DMBT1: variants seen among roughly 807,000 people sequenced by gnomAD.
DMBT1 encodes the protein deleted in malignant brain tumors 1.
DMBT1 carries 198 observed loss-of-function variants against 252.9 expected under a neutral mutation model. The ratio of observed to expected loss-of-function variants is 0.78; its 90% confidence interval spans 0.70 to 0.88. The LOEUF is 0.88. DMBT1 is among the 40% of genes least tolerant of loss of function. The probability of loss-of-function intolerance (pLI) is 0.00; values close to 1 mark genes in which losing one functional copy is unlikely to be tolerated. For missense variants in DMBT1, 2,432 were observed against 2,404.7 expected (o/e 1.01, Z -0.24); for synonymous variants, 990 against 942.7 (o/e 1.05, Z -0.92).
At chr10:122,617,788 G>A (rs936806535) in intron 40 of DMBT1, among the ~76,000 whole-genome samples, 5 of 151,562 alleles carry the variant, frequency 3.3e-5, no homozygotes, top group Non-Finnish European at 7.3e-5. Context: ...CACTTCCAGT[G>A]GGGTCACAGG....
intron 2 of DMBT1, among the ~76,000 whole-genome samples, chr10:122,566,722 AT>A (rs78946935): frequency 3.4e-5 from 5 of 148,610 alleles, no homozygotes; most frequent in Non-Finnish European, 6.0e-5. Context: ...GAATTGATAT[AT>A]TTTTAAAAAA....
intron 27 of DMBT1, among the ~76,000 whole-genome samples, chr10:122,600,433 A>G (rs575749182): frequency 1.6e-4 from 25 of 152,246 alleles, no homozygotes; most frequent in East Asian, 5.8e-4. Context: ...GAAAATTGTG[A>G]GTGTCACCCT....
In DMBT1 at chr10:122,631,874, T is replaced by A. The variant is rs763976298; in HGVS notation, c.6366T>A (p.Pro2122=). The A allele has an allele frequency of 3.1e-6, 5 of 1,613,890 alleles. No individual in the cohort carries two copies. In the Admixed American group the frequency reaches 8.3e-5, roughly 27 times the overall value. Residue 2122 remains proline, a splice_region_variant and synonymous_variant, in exon 50 of 56, where the codon CCT becomes CCA. Transcript: ENST00000338354. ...TTTCAGGAAACCATCTATCGACACC[T>A]GGTAAGTCCCTCCGATTTCCATTCC... ...VICSGNHLST[P]APFLNITRPN... is the part of the protein sequence containing the mutation.
At chr10:122,577,157 C>G (rs1042560073) in intron 7 of DMBT1, among the ~76,000 whole-genome samples, 1 of 152,226 alleles carries the variant, frequency 6.6e-6, no homozygotes, top group Non-Finnish European at 1.5e-5. Flanking sequence ...CCAGGAACAT[C>G]CGCATAACTC....
At position 122,585,306 on chromosome 10, in the gene DMBT1, G is replaced by A; in HGVS notation, c.1456G>A (p.Val486Ile). 1 of 1,586,576 alleles carries A rather than the reference G, an allele frequency of 6.3e-7. No homozygotes were observed. Among genetic ancestry groups the A allele is most frequent in the Non-Finnish European group, 8.6e-7 (1 of 1,164,286 alleles). ...GACCATCACCTTACCTGCATCGACA[G>A]TAGGTAAATAATCCTCTCGCCCCTC... ...LPTITLPAST[V>I]GSESSLALRL... Residue 486 changes from valine to isoleucine, a missense_variant, in exon 15 of 56, where the codon GTA becomes ATA. Physicochemically the swap from Val to Ile is conservative, Grantham distance 29. This residue lies in a region of DMBT1 where 1,264 missense variants were observed against 1,082.2 expected (regional missense o/e 1.17). Transcript: ENST00000338354.
At chr10:122,568,753 C>T (rs568822491) in intron 2 of DMBT1, among the ~76,000 whole-genome samples, 11 of 152,208 alleles carry the variant, frequency 7.2e-5, no homozygotes, top group Non-Finnish European at 1.5e-4. Flanking sequence ...CATGTCAGCC[C>T]TGGGCGGGGC....
intron 52 of DMBT1, among the ~76,000 whole-genome samples, chr10:122,634,043 G>A (rs915875651): frequency 8.5e-5 from 13 of 152,270 alleles, no homozygotes; most frequent in South Asian, 2.1e-4. Flanking sequence ...AGGCTGAGGT[G>A]GGAGAATCGC....
intron 1 of DMBT1, among the ~76,000 whole-genome samples, chr10:122,563,714 T>C (rs2097567347): frequency 6.6e-6 from 1 of 152,140 alleles, no homozygotes; most frequent in African/African-American, 2.4e-5. Flanking sequence ...GACTACAGAT[T>C]GGTCTCAGTA....
chr10:122,642,384 CTT>C (rs746617727), intron 55 of DMBT1, among the ~76,000 whole-genome samples: 3 of 152,184 alleles, frequency 2.0e-5, no homozygotes, highest in Non-Finnish European at 4.4e-5. Flanking sequence ...TGGCTTTTCT[CTT>C]TGCCATGCCC....
In DMBT1 at chr10:122,637,117, T is replaced by A; in HGVS notation, c.6758-11T>A. On this transcript the variant is annotated splice_polypyrimidine_tract_variant and intron_variant, in intron 53 of 55. Coordinates refer to ENST00000338354, the MANE Select transcript of DMBT1 (RefSeq NM_001377530.1). ...CAGTGACTGAGTGCCTTATCTGTCC[T>A]TGTCTATCAGACCTGCTCTGTCTGC... 1 of 1,612,856 alleles carries A rather than the reference T, an allele frequency of 6.2e-7. No individual in the cohort carries two copies. Among genetic ancestry groups the A allele is most frequent in the Non-Finnish European group, 8.5e-7 (1 of 1,179,364 alleles).
chr10:122,588,627 A>G (rs2097817312), intron 16 of DMBT1, among the ~76,000 whole-genome samples: 1 of 148,976 alleles, frequency 6.7e-6, no homozygotes, highest in Non-Finnish European at 1.5e-5. Context: ...ACATGGGGAC[A>G]GCATGGTCCT....
chr10:122,570,513 G>A (rs1465033434), intron 3 of DMBT1, among the ~76,000 whole-genome samples: 2 of 152,140 alleles, frequency 1.3e-5, no homozygotes, highest in East Asian at 3.9e-4. Context: ...CCACCTTCTC[G>A]GGAATATTTC....
At chr10:122,570,350 A>C (rs3740224) in intron 3 of DMBT1, 141 bp downstream of exon 3, 515,236 of 760,536 alleles carry the variant, frequency 0.68, 177,287 homozygotes, top group East Asian at 0.8. Context: ...CCCAGGCTAC[A>C]ATGCCTGGGG....
chr10:122,562,806 G>A (rs947480322), intron 1 of DMBT1, among the ~76,000 whole-genome samples: 2 of 152,194 alleles, frequency 1.3e-5, no homozygotes, highest in Admixed American at 1.3e-4. Flanking sequence ...AAGTGGACCT[G>A]TATTCTCTTA....
chr10:122,636,487 T>A (rs1442200138), intron 53 of DMBT1, among the ~76,000 whole-genome samples: 1 of 152,204 alleles, frequency 6.6e-6, no homozygotes, highest in Non-Finnish European at 1.5e-5. Flanking sequence ...GATGAGTCAG[T>A]GCCAAAGGCA....
rs146898329 is a variant in DMBT1, at chr10:122,635,811, C to T, written c.6549-180C>T. Among the ~76,000 whole-genome samples the T allele has an allele frequency of 7.5e-3, 1,144 of 152,308 alleles. 19 individuals carry two copies. Among genetic ancestry groups the T allele is most frequent in the African/African-American group, 0.027 (1,103 of 41,570 alleles). On this transcript the variant is annotated intron_variant, in intron 52 of 55. Coordinates refer to ENST00000338354, the MANE Select transcript of DMBT1 (RefSeq NM_001377530.1). ...CCTCAGATGATCCACCTGCCTTGGT[C>T]TCCCAAAGTGCTGGGATTATAAGTG...
intron 1 of DMBT1, among the ~76,000 whole-genome samples, chr10:122,563,540 T>C (rs568840882): frequency 1.1e-4 from 17 of 151,112 alleles, no homozygotes; most frequent in African/African-American, 3.6e-4. Context: ...TGAGCCGAGA[T>C]TGTGCCACTG....
chr10:122,642,531 G>A (rs1267295715), intron 55 of DMBT1, among the ~76,000 whole-genome samples: 2 of 152,200 alleles, frequency 1.3e-5, no homozygotes, highest in Admixed American at 1.3e-4. Flanking sequence ...AGGGAATGAG[G>A]AGGGGGTTTA....
chr10:122,573,978 A>T (rs1038767497), intron 6 of DMBT1, among the ~76,000 whole-genome samples: 1 of 152,150 alleles, frequency 6.6e-6, no homozygotes, highest in Non-Finnish European at 1.5e-5. Flanking sequence ...GTCTCCAAGG[A>T]GTTCTCAGTG....
Sources: allele counts gnomAD v4.1 joint callset (sites outside exome capture counted in the v4.1 genomes callset), GRCh38; gene constraint gnomAD v4.1.1; regional missense constraint gnomAD v4.1.1; transcripts MANE v1.5; gene names NCBI Gene and HGNC (gene_info 2026-07-23, HGNC 2026-07-21).